The following SCN1A variants were observed in gnomAD, a reference collection of about 807,000 sequenced individuals.
The protein encoded by SCN1A is sodium voltage-gated channel alpha subunit 1.
In SCN1A, 13 loss-of-function variants were observed where a neutral mutation model predicts 193.7. The ratio of observed to expected loss-of-function variants is 0.07; its 90% confidence interval spans 0.04 to 0.11. SCN1A has a LOEUF of 0.11. Among genes scored for constraint, SCN1A ranks in the 10% least tolerant of loss-of-function variants. SCN1A has a pLI of 1.00. For missense variants in SCN1A, 1,432 were observed against 2,451.1 expected (o/e 0.58, Z 8.78); for synonymous variants, 781 against 843.6 (o/e 0.93, Z 1.29).
At chr2:166,040,224 A>T (rs1696997238) in intron 16 of SCN1A, among the ~76,000 whole-genome samples, 1 of 152,102 alleles carries the variant, frequency 6.6e-6, no homozygotes, top group Admixed American at 6.6e-5. Flanking sequence ...AGCCCAAGTC[A>T]TCTATTTTTA....
At chr2:166,139,357 C>G (rs1369609611) in intron 1 of SCN1A, among the ~76,000 whole-genome samples, 1 of 152,086 alleles carries the variant, frequency 6.6e-6, no homozygotes, top group African/African-American at 2.4e-5. Context: ...ATGGGAGGAA[C>G]CCAGTGGGAG....
At chr2:165,998,590 C>G (rs1303881659) in intron 25 of SCN1A, among the ~76,000 whole-genome samples, 1 of 151,190 alleles carries the variant, frequency 6.6e-6, no homozygotes, top group Non-Finnish European at 1.5e-5. Context: ...ATGAGTTGTT[C>G]ATTCAGATGT....
chr2:166,085,644 T>G (rs1243001021), intron 2 of SCN1A, among the ~76,000 whole-genome samples: 1 of 150,904 alleles, frequency 6.6e-6, no homozygotes, highest in Non-Finnish European at 1.5e-5. Flanking sequence ...GAGAGGAGAG[T>G]GTTGAGCACA....
chr2:166,046,041 T>C (rs1697787059), intron 12 of SCN1A, among the ~76,000 whole-genome samples: 1 of 152,200 alleles, frequency 6.6e-6, no homozygotes, highest in East Asian at 1.9e-4. Flanking sequence ...TTTTTATTAT[T>C]ATCATTGTTC....
chr2:166,006,172 A>G (rs1691626102), intron 23 of SCN1A, among the ~76,000 whole-genome samples: 1 of 151,330 alleles, frequency 6.6e-6, no homozygotes, highest in Non-Finnish European at 1.5e-5. Flanking sequence ...AATCTATGTG[A>G]ATAAAAATAA....
chr2:166,095,144 G>A (rs752746068), intron 2 of SCN1A, among the ~76,000 whole-genome samples: 15 of 152,058 alleles, frequency 9.9e-5, no homozygotes, highest in Non-Finnish European at 1.0e-4. Flanking sequence ...ATTCAATTAC[G>A]TACCCTCCTT....
chr2:166,015,933 G>T, intron 19 of SCN1A: 1 of 566,446 alleles, frequency 1.8e-6, no homozygotes, highest in Non-Finnish European at 3.1e-6. Context: ...ATGTAAGCTT[G>T]AAATCAGATT....
At position 166,051,794 on chromosome 2, in the gene SCN1A, T is replaced by C; in HGVS notation, c.889A>G (p.Thr297Ala). The C allele has an allele frequency of 6.2e-7, 1 of 1,611,118 alleles. No individual in the cohort carries two copies. The change falls in exon 9 of 29, where the codon ACT becomes GCT. Residue 297 changes from threonine (T) to alanine (A), a missense_variant. Physicochemically the swap from Thr to Ala is moderately conservative, Grantham distance 58. Coordinates refer to ENST00000674923, the MANE Select transcript of SCN1A (RefSeq NM_001165963.4). ...LEEHSIEKNITVNYNGTLINE... is the reference protein window; with the variant it reads ...LEEHSIEKNIAVNYNGTLINE... ...ATAAGTGTACCATTATAATTCACAG[T>C]TATATTCTTTTCTATACTATGTTCC...
intron 2 of SCN1A, among the ~76,000 whole-genome samples, chr2:166,082,110 G>A (rs1194998630): frequency 6.6e-6 from 1 of 151,966 alleles, no homozygotes; most frequent in Non-Finnish European, 1.5e-5. Context: ...GTTATTTTAA[G>A]AGAATTAGAC....
intron 24 of SCN1A, 82 bp downstream of exon 24, chr2:166,002,390 G>A: frequency 7.4e-7 from 1 of 1,351,174 alleles, no homozygotes; most frequent in Non-Finnish European, 1.0e-6. Flanking sequence ...CTTTTTCTTA[G>A]GAACTAAATA....
intron 2 of SCN1A, among the ~76,000 whole-genome samples, chr2:166,079,995 T>C (rs1339369171): frequency 6.6e-6 from 1 of 151,576 alleles, no homozygotes; most frequent in African/African-American, 2.4e-5. Flanking sequence ...AGGTTAATTA[T>C]GAAATACCTA....
chr2:166,018,821 A>G (rs1693653309), intron 19 of SCN1A, among the ~76,000 whole-genome samples: 1 of 152,128 alleles, frequency 6.6e-6, no homozygotes, highest in African/African-American at 2.4e-5. Context: ...AAAACTTACT[A>G]CTAATTTTAA....
rs376003678 is a variant in SCN1A, at chr2:166,057,638, G to A, written c.383+932C>T. Among the ~76,000 whole-genome samples, 5 of 151,898 alleles carry A rather than the reference G, an allele frequency of 3.3e-5. No homozygotes were observed. The East Asian group carries it at 9.7e-4, about 29-fold the overall frequency. On this transcript the variant is annotated intron_variant, in intron 5 of 28. Coordinates refer to ENST00000674923, the MANE Select transcript of SCN1A (RefSeq NM_001165963.4). Reference sequence around the variant, plus strand: ...AAAAACCCTATCATATGATTTTTATGTTTCAAATCTTTTAATTTTAGTAAT... The same window carrying A: ...AAAAACCCTATCATATGATTTTTATATTTCAAATCTTTTAATTTTAGTAAT...
At position 165,991,551 on chromosome 2, in the gene SCN1A, A is replaced by G; in HGVS notation, c.5724T>C (p.Thr1908=). The G allele has an allele frequency of 6.2e-7, 1 of 1,613,982 alleles. No homozygotes were observed. Among genetic ancestry groups the G allele is most frequent in the Non-Finnish European group, 8.5e-7 (1 of 1,179,920 alleles). The change falls in exon 29 of 29, where the codon ACT becomes ACC. Residue 1908 remains threonine (T), a synonymous_variant. Coordinates refer to ENST00000674923, the MANE Select transcript of SCN1A (RefSeq NM_001165963.4). ...CTTCCTCTTGTTTTCGTTTTAAAGT[A>G]GTAGTGATTGGCTGATAGGAGACCT... ...PSKVSYQPIT[T]TLKRKQEEVS...
intron 4 of SCN1A, among the ~76,000 whole-genome samples, chr2:166,066,201 T>C (rs936514657): frequency 1.5e-4 from 23 of 152,090 alleles, no homozygotes; most frequent in Non-Finnish European, 2.9e-4. Context: ...GAGAAGAAAT[T>C]ATAACAACAA....
At chr2:165,994,012 A>G (rs913178262) in intron 28 of SCN1A, 134 bp downstream of exon 28, 9 of 762,714 alleles carry the variant, frequency 1.2e-5, no homozygotes, top group Admixed American at 2.7e-5. Context: ...AAAAAAACAA[A>G]CACACTTGGA....
chr2:166,134,834 T>C (rs1257292378), intron 1 of SCN1A, among the ~76,000 whole-genome samples: 1 of 152,186 alleles, frequency 6.6e-6, no homozygotes, highest in Admixed American at 6.6e-5. Context: ...ACCCCTCCTT[T>C]AAATGTATCA....
chr2:166,111,101 C>T (rs543881654), intron 2 of SCN1A, among the ~76,000 whole-genome samples: 7 of 152,092 alleles, frequency 4.6e-5, no homozygotes, highest in African/African-American at 1.4e-4. Flanking sequence ...ATGAAGGTGA[C>T]TACACTAAAC....
At chr2:166,068,160 T>A (rs1244074932) in intron 4 of SCN1A, among the ~76,000 whole-genome samples, 1 of 152,204 alleles carries the variant, frequency 6.6e-6, no homozygotes, top group Non-Finnish European at 1.5e-5. Flanking sequence ...TTTGAGGTAC[T>A]GGGTATTTTG....
Sources: allele counts gnomAD v4.1 joint callset (sites outside exome capture counted in the v4.1 genomes callset), GRCh38; gene constraint gnomAD v4.1.1; transcripts MANE v1.5; gene names NCBI Gene and HGNC (gene_info 2026-07-23, HGNC 2026-07-21).